CCDC7: variants seen among roughly 807,000 people sequenced by gnomAD.
The protein encoded by CCDC7 is coiled-coil domain containing 7.
CCDC7 carries 183 observed loss-of-function variants against 196.9 expected under a neutral mutation model. The ratio of observed to expected loss-of-function variants is 0.93; its 90% CI spans 0.82 to 1.05. The LOEUF (loss-of-function observed/expected upper bound fraction) is 1.05, where lower values mean the gene tolerates loss of function less well. Ranked by LOEUF, CCDC7 falls within the 50% of genes least tolerant of loss-of-function variation. The pLI is 0.00. For missense variants in CCDC7, 1,540 were observed against 1,482.2 expected, an observed-to-expected ratio of 1.04 and a Z score of -0.64; for synonymous variants, 525 against 484.6, an observed-to-expected ratio of 1.08 and a Z score of -1.10.
At chr10:32,577,769 GGATGTGCT>G (rs1397218475) in intron 16 of CCDC7, among the ~76,000 whole-genome samples, 1 of 152,112 alleles carries the variant, frequency 6.6e-6, no homozygotes, top group African/African-American at 2.4e-5. Context: ...CTAATTGATT[GGATGTGCT>G]ATATCCCCCT....
chr10:32,610,029 A>AGTGTGT (rs113353807), intron 18 of CCDC7, among the ~76,000 whole-genome samples: 5,517 of 146,382 alleles, frequency 0.038, 241 homozygotes, highest in African/African-American at 0.1. Context: ...TGTATGTATG[A>AGTGTGT]GTGTGTGTGT....
Position 32,845,246 on chromosome 10 carries a change from CTGAT to C in CCDC7, c.3357_3360del (p.Asp1120ArgfsTer4), listed in dbSNP as rs1298955946. The stretch of plus-strand genomic sequence containing the variant: ...GATATCTGTTTTATTTATATAGAGA[CTGAT>C]AAGGAACACTTAGCAGATGATACTG... On this transcript the variant is annotated frameshift_variant, in exon 34 of 42. Transcript: ENST00000639629. LOFTEE classifies it high-confidence loss of function. 1 of 1,548,740 alleles carries C rather than the reference CTGAT, an allele frequency of 6.5e-7. No individual in the cohort carries two copies. The highest frequency in any genetic ancestry group is 2.3e-5 in the East Asian group (1 of 42,622).
chr10:32,822,535 A>G (rs1376259466), intron 31 of CCDC7, among the ~76,000 whole-genome samples: 1 of 152,174 alleles, frequency 6.6e-6, no homozygotes, highest in Non-Finnish European at 1.5e-5. Flanking sequence ...AAAGTTATAC[A>G]AAGAAATAAT....
intron 24 of CCDC7, among the ~76,000 whole-genome samples, chr10:32,696,570 C>T (rs2077758905): frequency 6.6e-6 from 1 of 151,830 alleles, no homozygotes; most frequent in Non-Finnish European, 1.5e-5. Context: ...AGGAGAGCAG[C>T]ATTTGTATTA....
In CCDC7 at chr10:32,815,805, T is replaced by A. The variant is rs186219022; in HGVS notation, c.3181+1352T>A. Among the ~76,000 whole-genome samples the A allele has an allele frequency of 2.8e-3, 431 of 152,320 alleles. 1 individual carries two copies. Among genetic ancestry groups the A allele is most frequent in the Non-Finnish European group, 3.6e-3 (247 of 68,014 alleles). The stretch of plus-strand genomic sequence containing the variant: ...AGTGAGATTAACATCTGACTCAGCA[T>A]TAGAAACTTTTGAAGTCCAGAAGGC... On this transcript the variant is annotated intron_variant, in intron 31 of 41. Coordinates refer to ENST00000639629, the Ensembl canonical transcript of CCDC7.
At chr10:32,495,404 A>G (rs1236173529) in intron 9 of CCDC7, among the ~76,000 whole-genome samples, 2 of 152,180 alleles carry the variant, frequency 1.3e-5, no homozygotes, top group African/African-American at 2.4e-5. Context: ...ATTAGATCCC[A>G]TTTGTCAATT....
At chr10:32,638,506 G>A (rs1281737076) in intron 20 of CCDC7, among the ~76,000 whole-genome samples, 1 of 152,090 alleles carries the variant, frequency 6.6e-6, no homozygotes, top group Non-Finnish European at 1.5e-5. Flanking sequence ...TTTTGTCTTT[G>A]GTTCTGTTTA....
At chr10:32,635,633 CA>C (rs2065505284) in intron 20 of CCDC7, among the ~76,000 whole-genome samples, 1 of 151,944 alleles carries the variant, frequency 6.6e-6, no homozygotes, top group Non-Finnish European at 1.5e-5. Context: ...AAAAACAAAA[CA>C]AAACAAAACC....
At chr10:32,744,401 G>T (rs1371983852) in intron 28 of CCDC7, among the ~76,000 whole-genome samples, 1 of 150,190 alleles carries the variant, frequency 6.7e-6, no homozygotes, top group Non-Finnish European at 1.5e-5. Flanking sequence ...AACAGCCAAA[G>T]TGTCTTCCAG....
intron 11 of CCDC7, among the ~76,000 whole-genome samples, chr10:32,525,361 A>G (rs529165155): frequency 1.3e-5 from 2 of 152,288 alleles, no homozygotes; most frequent in African/African-American, 4.8e-5. Context: ...CAGCATGTCA[A>G]TTGCATTTTT....
chr10:32,723,414 C>T (rs1056173773), intron 25 of CCDC7, among the ~76,000 whole-genome samples: 2 of 152,046 alleles, frequency 1.3e-5, no homozygotes, highest in African/African-American at 2.4e-5. Context: ...AGGAGTAAAA[C>T]GAATGAACCT....
chr10:32,731,669 T>C (rs2083988545), intron 28 of CCDC7, among the ~76,000 whole-genome samples: 1 of 152,214 alleles, frequency 6.6e-6, no homozygotes, highest in Admixed American at 6.5e-5. Context: ...TGGTGGTTTT[T>C]GCATTTACCT....
chr10:32,875,538 C>T (rs568786628), intron 41 of CCDC7, among the ~76,000 whole-genome samples: 1 of 151,986 alleles, frequency 6.6e-6, no homozygotes, highest in South Asian at 2.1e-4. Context: ...TTACTGTAGC[C>T]TTGTATCATA....
At chr10:32,592,498 C>T (rs1377713815) in intron 18 of CCDC7, among the ~76,000 whole-genome samples, 3 of 151,924 alleles carry the variant, frequency 2.0e-5, no homozygotes, top group Non-Finnish European at 4.4e-5. Flanking sequence ...ACTTTCGCTG[C>T]ATCTTATAAG....
chr10:32,733,644 CTT>C (rs1185349110), intron 28 of CCDC7, among the ~76,000 whole-genome samples: 1 of 112,130 alleles, frequency 8.9e-6, no homozygotes, highest in East Asian at 2.7e-4. Flanking sequence ...TCAGTTCTTA[CTT>C]TTTTCATTGA....
intron 31 of CCDC7, among the ~76,000 whole-genome samples, chr10:32,820,960 A>T (rs1380479517): frequency 6.6e-6 from 1 of 152,164 alleles, no homozygotes; most frequent in Non-Finnish European, 1.5e-5. Flanking sequence ...GCCTAAATTG[A>T]CAAATGGGAT....
chr10:32,528,650 G>GTGTGTA (rs1554824534), intron 11 of CCDC7, among the ~76,000 whole-genome samples: 1 of 133,296 alleles, frequency 7.5e-6, no homozygotes, highest in Non-Finnish European at 1.6e-5. Flanking sequence ...GTGTGTGTGT[G>GTGTGTA]TATATATATA....
chr10:32,578,811 T>C (rs1383671882), intron 16 of CCDC7, among the ~76,000 whole-genome samples: 3 of 152,132 alleles, frequency 2.0e-5, no homozygotes, highest in Admixed American at 6.5e-5. Flanking sequence ...TGATATAGAA[T>C]GTATCTTTTT....
At chr10:32,592,635 G>A (rs965105660) in intron 18 of CCDC7, among the ~76,000 whole-genome samples, 13 of 151,814 alleles carry the variant, frequency 8.6e-5, no homozygotes, top group African/African-American at 3.1e-4. Flanking sequence ...GTGCCATATT[G>A]GTGTGCTGCA....
Sources: gnomAD v4.1 joint callset for allele counts (sites outside exome capture counted in the v4.1 genomes callset) on GRCh38, gnomAD v4.1.1 for gene constraint, MANE v1.5 for transcripts, NCBI Gene and HGNC (gene_info 2026-07-23, HGNC 2026-07-21) for gene names.